SCN1A: variants seen among roughly 807,000 people sequenced by gnomAD.
The protein encoded by SCN1A is sodium voltage-gated channel alpha subunit 1.
Under a neutral mutation model 193.7 loss-of-function variants are expected in SCN1A, and 13 were observed. The ratio of observed to expected loss-of-function variants is 0.07; its 90% CI spans 0.04 to 0.11. The LOEUF (loss-of-function observed/expected upper bound fraction) is 0.11, where lower values mean the gene tolerates loss of function less well. SCN1A is among the 10% of genes least tolerant of loss of function. SCN1A has a pLI of 1.00. For synonymous variants in SCN1A, 781 were observed against 843.6 expected (o/e 0.93, Z 1.29); for missense variants, 1,432 against 2,451.1 (o/e 0.58, Z 8.78).
At chr2:166,146,740 C>G (rs1692337691) in intron 1 of SCN1A, among the ~76,000 whole-genome samples, 3 of 152,174 alleles carry the variant, frequency 2.0e-5, no homozygotes, top group Admixed American at 2.0e-4. Flanking sequence ...AGTGAACAAA[C>G]AGATAAGTCC....
Position 166,000,390 on chromosome 2 carries a change from ATAAGT to A in SCN1A, c.4285-619_4285-615del, listed in dbSNP as rs770126910. Among the ~76,000 whole-genome samples the A allele has an allele frequency of 8.6e-5, 13 of 151,712 alleles. No individual in the cohort carries two copies. The East Asian group carries it at 2.3e-3, about 27-fold the overall frequency. On this transcript the variant is annotated intron_variant, in intron 24 of 28. Coordinates refer to ENST00000674923, the MANE Select transcript of SCN1A (RefSeq NM_001165963.4). ...TTTCTTTCTGAAATTCTTGAAGATA[ATAAGT>A]TAATATGAATAAGAAATGTGAACAA...
intron 4 of SCN1A, among the ~76,000 whole-genome samples, chr2:166,072,467 C>G (rs1684527456): frequency 6.6e-6 from 1 of 152,020 alleles, no homozygotes; most frequent in Non-Finnish European, 1.5e-5. Context: ...TTTGTTAATT[C>G]TTGCCAATAT....
rs1201949487 is a variant in SCN1A, at chr2:166,043,933, A to C, written c.1779T>G (p.Asp593Glu). 6.2e-7 allele frequency: 1 copy of C among 1,614,058 alleles called. No homozygotes were observed. The highest frequency in any genetic ancestry group is 1.3e-5 in the African/African-American group (1 of 74,936). Residue 593 changes from aspartate (D) to glutamate (E), a missense_variant, in exon 14 of 29, where the codon GAT becomes GAG. Physicochemically the swap from Asp to Glu is conservative, Grantham distance 45. Around this residue, in one of 18 missense-constraint regions of SCN1A, gnomAD observed 316 missense variants for 362.1 expected, o/e 0.87. Transcript: ENST00000674923. ...CGTTATCCTCAAAGGTGCTGTGCTC[A>C]TCATCTGCGAAGTCGTTCTCAGATC... is the stretch of plus-strand genomic sequence containing the variant. ...DVGSENDFAD[D>E]EHSTFEDNES...
intron 2 of SCN1A, among the ~76,000 whole-genome samples, chr2:166,118,859 T>C: frequency 6.6e-6 from 1 of 152,222 alleles, no homozygotes; most frequent in East Asian, 1.9e-4. Context: ...TCTTTAATCT[T>C]AAAATTATGA....
At chr2:166,011,699 G>T (rs951406380) in intron 22 of SCN1A, among the ~76,000 whole-genome samples, 1 of 151,020 alleles carries the variant, frequency 6.6e-6, no homozygotes, top group African/African-American at 2.4e-5. Flanking sequence ...TACAAGTTGG[G>T]GGTCAAGAGT....
intron 4 of SCN1A, chr2:166,071,993 C>T (rs1309142005): frequency 1.3e-5 from 2 of 152,096 alleles, no homozygotes; most frequent in Non-Finnish European, 2.9e-5. Flanking sequence ...TTTTGTGACG[C>T]TCTTTCCTCC....
intron 2 of SCN1A, among the ~76,000 whole-genome samples, chr2:166,095,445 C>A (rs527353694): frequency 2.0e-5 from 3 of 152,108 alleles, no homozygotes; most frequent in Non-Finnish European, 4.4e-5. Context: ...CTTTATTTAG[C>A]CTTTGTCATT....
At chr2:166,063,727 C>T (rs981342164) in intron 4 of SCN1A, among the ~76,000 whole-genome samples, 1 of 151,954 alleles carries the variant, frequency 6.6e-6, no homozygotes, top group Non-Finnish European at 1.5e-5. Context: ...AAAAACAAAG[C>T]AGGTGAAATT....
intron 3 of SCN1A, among the ~76,000 whole-genome samples, chr2:166,074,248 A>G (rs1483746302): frequency 1.3e-5 from 2 of 152,324 alleles, no homozygotes; most frequent in East Asian, 1.9e-4. Context: ...TTCACTAGCC[A>G]TGCATGGTTG....
At chr2:166,058,858 TAATTA>T (rs1682981624) in intron 4 of SCN1A, among the ~76,000 whole-genome samples, 170 bp from the exon 5 acceptor site, 1 of 152,140 alleles carries the variant, frequency 6.6e-6, no homozygotes, top group Admixed American at 6.6e-5. Context: ...GATCTCTTCT[TAATTA>T]GAGAGGAAAT....
At chr2:166,067,879 CCA>C (rs1469827566) in intron 4 of SCN1A, among the ~76,000 whole-genome samples, 1 of 152,092 alleles carries the variant, frequency 6.6e-6, no homozygotes, top group South Asian at 2.1e-4. Context: ...CCATCACATA[CCA>C]CTAGCCAAAG....
chr2:165,986,664 C>T lies in SCN1A; in HGVS notation c.*4581G>A, dbSNP rs1353364338. The stretch of plus-strand genomic sequence containing the variant: ...GGCATACAAAATATGATAGTGTGAA[C>T]ACGCAGACATAGGCACTTCAGTAAC... On this transcript the variant is annotated 3_prime_UTR_variant, in exon 29 of 29. Transcript: ENST00000674923. 6.9e-6 allele frequency: 1 copy of T among 143,920 alleles called. No individual in the cohort carries two copies. Among genetic ancestry groups the T allele is most frequent in the Admixed American group, 7.1e-5 (1 of 14,028 alleles). The allele number at this position is 143,920 out of a possible 1,614,324, so 8.9% of individuals were successfully genotyped here. A position where few individuals can be genotyped will look rare whatever the true frequency, so the allele number is the denominator to read the frequency against.
intron 2 of SCN1A, among the ~76,000 whole-genome samples, chr2:166,122,786 AT>A (rs1690745821): frequency 6.6e-6 from 1 of 152,206 alleles, no homozygotes; most frequent in South Asian, 2.1e-4. Flanking sequence ...TTGAAAAATA[AT>A]AGAAGTAAAT....
At chr2:165,999,832 G>T (rs1690593866) in intron 24 of SCN1A, 56 bp from the exon 25 acceptor site, 2 of 1,187,780 alleles carry the variant, frequency 1.7e-6, no homozygotes, top group East Asian at 2.3e-5. Context: ...TAGACCTGAT[G>T]TTTAATAAAT....
intron 1 of SCN1A, among the ~76,000 whole-genome samples, chr2:166,145,142 ATTTTTTTTTTTTTTT>A (rs10527781): frequency 0.036 from 4,699 of 129,052 alleles, 373 homozygotes; most frequent in African/African-American, 0.11. Context: ...GGCCTAAGTA[ATTTTTTTTTTTTTTT>A]TTTTTTTTTT....
intron 19 of SCN1A, among the ~76,000 whole-genome samples, chr2:166,023,251 T>C (rs1359087267): frequency 6.6e-6 from 1 of 152,236 alleles, no homozygotes. Flanking sequence ...TCACTCACCA[T>C]TTCTGAATTG....
At position 166,056,501 on chromosome 2, in the gene SCN1A, G is replaced by T; in HGVS notation, c.384-1C>A. 6.3e-7 allele frequency: 1 copy of T among 1,576,684 alleles called. No individual in the cohort carries two copies. The highest frequency in any genetic ancestry group is 1.1e-5 in the South Asian group (1 of 90,254). On this transcript the variant is annotated splice_acceptor_variant, in intron 5 of 28. Transcript: ENST00000674923. LOFTEE classifies it high-confidence loss of function. Reference sequence around the variant, plus strand: ...GCACATAATTAGCATGCTGAATAATGTAGGTTATTGTTAAGGAACACACAA... The same window carrying T: ...GCACATAATTAGCATGCTGAATAATTTAGGTTATTGTTAAGGAACACACAA...
intron 3 of SCN1A, chr2:166,075,439 T>C (rs1009322843): frequency 6.6e-6 from 1 of 152,050 alleles, no homozygotes; most frequent in Non-Finnish European, 1.5e-5. Flanking sequence ...ACAAACTGTT[T>C]TACACCAGCA....
chr2:166,127,694 T>C (rs1399030779), intron 1 of SCN1A, 77 bp downstream of exon 1: 1 of 152,138 alleles, frequency 6.6e-6, no homozygotes, highest in African/African-American at 2.4e-5. Flanking sequence ...CAAACTGAAT[T>C]TCCATGGACT....
Sources: gnomAD v4.1 joint callset for allele counts (sites outside exome capture counted in the v4.1 genomes callset) on GRCh38, gnomAD v4.1.1 for gene constraint, gnomAD v4.1.1 regional missense constraint, MANE v1.5 for transcripts, NCBI Gene and HGNC (gene_info 2026-07-23, HGNC 2026-07-21) for gene names.